The following ULK4 variants were observed in gnomAD, a reference collection of about 807,000 sequenced individuals.
ULK4 encodes unc-51 like kinase 4.
In ULK4, 133 loss-of-function variants were observed where a neutral mutation model predicts 160.6. The ratio of observed to expected loss-of-function variants is 0.83; its 90% CI spans 0.72 to 0.96. The LOEUF (loss-of-function observed/expected upper bound fraction) is 0.96, where lower values mean the gene tolerates loss of function less well. Among genes scored for constraint, ULK4 ranks in the 40% least tolerant of loss-of-function variants. The pLI is 0.00. For synonymous variants in ULK4, 534 were observed against 539.8 expected, an observed-to-expected ratio of 0.99 and a Z score of 0.15; for missense variants, 1,580 against 1,499.5, an observed-to-expected ratio of 1.05 and a Z score of -0.89.
At chr3:41,421,211 T>G (rs918583419) in intron 34 of ULK4, among the ~76,000 whole-genome samples, 1 of 152,130 alleles carries the variant, frequency 6.6e-6, no homozygotes, top group South Asian at 2.1e-4. Context: ...TAACAACAAA[T>G]TTTTTGTTGT....
At chr3:41,332,967 G>C (rs2080477595) in intron 35 of ULK4, among the ~76,000 whole-genome samples, 1 of 152,168 alleles carries the variant, frequency 6.6e-6, no homozygotes, top group African/African-American at 2.4e-5. Context: ...CATCTCATCT[G>C]AAACAAAGAA....
chr3:41,676,870 T>C (rs1168417304), intron 29 of ULK4, among the ~76,000 whole-genome samples: 2 of 150,862 alleles, frequency 1.3e-5, no homozygotes, highest in African/African-American at 4.9e-5. Flanking sequence ...GCTTTGCTTA[T>C]CCCCTTCTTG....
intron 32 of ULK4, among the ~76,000 whole-genome samples, chr3:41,510,320 C>A (rs1394955153): frequency 6.6e-6 from 1 of 152,126 alleles, no homozygotes; most frequent in East Asian, 1.9e-4. Flanking sequence ...CTGAAACTCC[C>A]AAATTTATAA....
chr3:41,540,554 G>A (rs539937318), intron 32 of ULK4, among the ~76,000 whole-genome samples: 2 of 152,178 alleles, frequency 1.3e-5, no homozygotes, highest in Non-Finnish European at 2.9e-5. Flanking sequence ...TATATACCCA[G>A]TAATGGGATC....
At chr3:41,315,406 C>G (rs1241980797) in intron 35 of ULK4, among the ~76,000 whole-genome samples, 1 of 152,110 alleles carries the variant, frequency 6.6e-6, no homozygotes, top group Non-Finnish European at 1.5e-5. Flanking sequence ...AAATGGTGTT[C>G]CAGGCTTCTG....
chr3:41,797,989 G>C (rs961112878), intron 20 of ULK4, among the ~76,000 whole-genome samples: 2 of 152,030 alleles, frequency 1.3e-5, no homozygotes, highest in African/African-American at 4.8e-5. Flanking sequence ...TCCTGAACAG[G>C]ATCTTTGCAC....
intron 22 of ULK4, among the ~76,000 whole-genome samples, chr3:41,744,123 CA>C (rs1396497711): frequency 6.6e-6 from 1 of 151,636 alleles, no homozygotes; most frequent in Non-Finnish European, 1.5e-5. Context: ...AAAAGAATCC[CA>C]AATGTTCAGA....
At chr3:41,794,660 C>CAAAAA (rs71075484) in intron 20 of ULK4, among the ~76,000 whole-genome samples, 213 of 18,974 alleles carry the variant, frequency 0.011, 13 homozygotes, top group Non-Finnish European at 0.016. Flanking sequence ...GACTCTGTCT[C>CAAAAA]AAAAAAAAAA....
At chr3:41,649,713 C>G (rs532217720) in intron 30 of ULK4, among the ~76,000 whole-genome samples, 3 of 152,296 alleles carry the variant, frequency 2.0e-5, no homozygotes, top group African/African-American at 7.2e-5. Flanking sequence ...CCTACAGGTG[C>G]CCCACAGCAC....
chr3:41,405,339 G>A (rs187212692), intron 34 of ULK4, among the ~76,000 whole-genome samples: 41 of 152,144 alleles, frequency 2.7e-4, no homozygotes, highest in East Asian at 1.9e-3. Flanking sequence ...ATTATTTTAC[G>A]CTGTATATGT....
At chr3:41,653,461 T>C (rs1392990322) in intron 30 of ULK4, among the ~76,000 whole-genome samples, 1 of 152,204 alleles carries the variant, frequency 6.6e-6, no homozygotes, top group African/African-American at 2.4e-5. Context: ...GAACTATTTT[T>C]TCAATGGCAA....
intron 32 of ULK4, among the ~76,000 whole-genome samples, chr3:41,542,166 C>CTGTTATTATTT (rs1270947507): frequency 2.6e-5 from 4 of 152,240 alleles, no homozygotes; most frequent in Non-Finnish European, 5.9e-5. Context: ...TCATAAACAG[C>CTGTTATTATTT]TGTTATTATT....
intron 27 of ULK4, among the ~76,000 whole-genome samples, chr3:41,691,581 G>A (rs941736732): frequency 2.0e-5 from 3 of 151,716 alleles, no homozygotes; most frequent in African/African-American, 7.2e-5. Context: ...CCAAAGATGG[G>A]AAATTCTCTC....
At chr3:41,580,809 A>C (rs1344016481) in intron 31 of ULK4, among the ~76,000 whole-genome samples, 2 of 152,136 alleles carry the variant, frequency 1.3e-5, no homozygotes, top group Non-Finnish European at 2.9e-5. Context: ...TGATCTTCTG[A>C]AGACTCAAGC....
In ULK4 at chr3:41,287,391, G is replaced by C. The variant is rs1371372469; in HGVS notation, c.3679-37817C>G. On this transcript the variant is annotated intron_variant, in intron 35 of 36. Coordinates refer to ENST00000301831, the MANE Select transcript of ULK4 (RefSeq NM_017886.4). ...CTCAAGAACTGAAATGATATGAAGA[G>C]AAAAAACAACGCAGCTTCCTCTGTT... 4.6e-5 allele frequency among the ~76,000 whole-genome samples: 7 copies of C among 152,148 alleles called. No homozygotes were observed. The East Asian group carries it at 1.3e-3, about 29-fold the overall frequency.
intron 31 of ULK4, among the ~76,000 whole-genome samples, chr3:41,605,993 A>AG (rs1478117105): frequency 1.3e-5 from 2 of 152,034 alleles, no homozygotes; most frequent in African/African-American, 4.8e-5. Context: ...CTTCTAAATA[A>AG]TCCATGAACC....
chr3:41,421,586 G>A (rs1279027283), intron 34 of ULK4, among the ~76,000 whole-genome samples: 1 of 152,088 alleles, frequency 6.6e-6, no homozygotes, highest in East Asian at 1.9e-4. Context: ...TTTTTCTAGT[G>A]CTTGAACTAT....
At chr3:41,916,865 G>A (rs1698986024) in intron 7 of ULK4, among the ~76,000 whole-genome samples, 1 of 151,818 alleles carries the variant, frequency 6.6e-6, no homozygotes, top group South Asian at 2.1e-4. Context: ...GTGCCACCAT[G>A]CCTGGCTAAT....
chr3:41,828,580 A>G (rs1306738062), intron 18 of ULK4, among the ~76,000 whole-genome samples: 1 of 137,338 alleles, frequency 7.3e-6, no homozygotes, highest in Non-Finnish European at 1.5e-5. Context: ...TAGGAATCCA[A>G]CTTACAAGGG....
Sources: gnomAD v4.1 joint callset for allele counts (sites outside exome capture counted in the v4.1 genomes callset) on GRCh38, gnomAD v4.1.1 for gene constraint, MANE v1.5 for transcripts, NCBI Gene and HGNC (gene_info 2026-07-23, HGNC 2026-07-21) for gene names.